MCTP2: variants seen among roughly 807,000 people sequenced by gnomAD.
MCTP2 encodes multiple C2 and transmembrane domain containing 2, also known as multiple C2 and transmembrane domain-containing protein 2.
Under a neutral mutation model 111.6 loss-of-function variants are expected in MCTP2, and 132 were observed. That is an observed-to-expected ratio of 1.18 (90% CI 1.03 to 1.37). The LOEUF is 1.37. Ranked by LOEUF, MCTP2 falls within the 40% of genes most tolerant of loss-of-function variation. MCTP2 has a pLI of 0.00. For missense variants in MCTP2, 1,183 were observed against 1,067.9 expected (o/e 1.11, Z -1.50); for synonymous variants, 395 against 387.7 (o/e 1.02, Z -0.22).
At chr15:94,306,571 T>G (rs1291952246) in intron 2 of MCTP2, among the ~76,000 whole-genome samples, 1 of 152,218 alleles carries the variant, frequency 6.6e-6, no homozygotes, top group Non-Finnish European at 1.5e-5. Flanking sequence ...GGAAGACATT[T>G]ATTTTTCTGT....
At chr15:94,334,162 T>C (rs187299637) in intron 4 of MCTP2, among the ~76,000 whole-genome samples, 1 of 152,340 alleles carries the variant, frequency 6.6e-6, no homozygotes, top group Admixed American at 6.5e-5. Context: ...GACCGAAGCC[T>C]GCTATCATTG....
intron 1 of MCTP2, among the ~76,000 whole-genome samples, chr15:94,242,989 GTA>G (rs1459322175): frequency 2.1e-5 from 2 of 95,318 alleles, no homozygotes; most frequent in Non-Finnish European, 2.3e-5. Context: ...ACATACACGT[GTA>G]TATGTGTATC....
At chr15:94,346,022 G>T (rs2152411564) in intron 8 of MCTP2, among the ~76,000 whole-genome samples, 1 of 152,104 alleles carries the variant, frequency 6.6e-6, no homozygotes, top group Admixed American at 6.5e-5. Flanking sequence ...CGCCAGCTCT[G>T]ATTTCTAATG....
intron 17 of MCTP2, among the ~76,000 whole-genome samples, chr15:94,430,105 T>C (rs1198869067): frequency 1.3e-5 from 2 of 152,230 alleles, no homozygotes; most frequent in Non-Finnish European, 2.9e-5. Context: ...AATAGCTTTG[T>C]AGATGAAATA....
At chr15:94,290,585 A>C (rs919284641) in intron 1 of MCTP2, among the ~76,000 whole-genome samples, 4 of 149,790 alleles carry the variant, frequency 2.7e-5, no homozygotes, top group African/African-American at 1.0e-4. Context: ...AATGGTCTAA[A>C]CAAACCAACT....
chr15:94,479,218 G>A lies in MCTP2; in HGVS notation c.*184G>A. On this transcript the variant is annotated 3_prime_UTR_variant, in exon 23 of 23. Coordinates refer to ENST00000357742, the MANE Select transcript of MCTP2 (RefSeq NM_001385001.1). The stretch of plus-strand genomic sequence containing the variant: ...ACATGTGCACACACCCTCATGCATG[G>A]GTGTCCTAGTTGCGTAGAGGGTCAG... 1.6e-6 allele frequency: 1 copy of A among 624,162 alleles called. No individual in the cohort carries two copies. The highest frequency in any genetic ancestry group is 1.9e-5 in the South Asian group (1 of 52,454). 38.7% of individuals were successfully genotyped at this position (624,162 alleles called of 1,614,324 possible).
chr15:94,344,209 C>T (rs1421616364), intron 7 of MCTP2, among the ~76,000 whole-genome samples: 1 of 152,158 alleles, frequency 6.6e-6, no homozygotes, highest in Non-Finnish European at 1.5e-5. Context: ...ACCAACATTT[C>T]TAGTTGCTGG....
rs2079407608 is a variant in MCTP2, at chr15:94,370,141, G to GT, written c.1547dup (p.Leu516PhefsTer16). ...AGACGTCGGCATTCTACAAGTGAAG[G>GT]TTTTAAAGGCAGCAGATCTCTTAGC... On this transcript the variant is annotated frameshift_variant, in exon 12 of 23. Coordinates refer to ENST00000357742, the MANE Select transcript of MCTP2 (RefSeq NM_001385001.1). LOFTEE classifies it high-confidence loss of function. 1.9e-6 allele frequency: 3 copies of GT among 1,613,460 alleles called. No individual in the cohort carries two copies. In the East Asian group the frequency reaches 6.7e-5, roughly 36 times the overall value.
At chr15:94,277,111 C>A (rs1407549060) in intron 1 of MCTP2, among the ~76,000 whole-genome samples, 1 of 152,026 alleles carries the variant, frequency 6.6e-6, no homozygotes, top group Admixed American at 6.6e-5. Context: ...GAATTAGAAT[C>A]CACATATAAA....
intron 4 of MCTP2, among the ~76,000 whole-genome samples, chr15:94,328,345 G>C (rs1030720998): frequency 1.3e-5 from 2 of 151,872 alleles, no homozygotes; most frequent in Non-Finnish European, 1.5e-5. Context: ...AGCCAGGATG[G>C]TCTTGATCTC....
intron 1 of MCTP2, among the ~76,000 whole-genome samples, chr15:94,273,069 AACTCTCTAGTAGGG>A (rs1220334975): frequency 2.0e-5 from 3 of 152,170 alleles, no homozygotes; most frequent in Non-Finnish European, 4.4e-5. Context: ...ATTACCCTAG[AACTCTCTAGTAGGG>A]CTGGACTCAA....
intron 1 of MCTP2, among the ~76,000 whole-genome samples, chr15:94,241,885 T>C (rs1017024390): frequency 1.3e-5 from 2 of 152,188 alleles, no homozygotes; most frequent in South Asian, 2.1e-4. Context: ...GACCTCAGAA[T>C]ATTAAAGAGA....
At chr15:94,363,570 T>C (rs937696759) in intron 10 of MCTP2, among the ~76,000 whole-genome samples, 16 of 152,242 alleles carry the variant, frequency 1.1e-4, no homozygotes, top group Admixed American at 2.0e-4. Context: ...TGGTGTCACA[T>C]GATAAGGCTA....
At chr15:94,422,044 C>CATT (rs1326914634) in intron 17 of MCTP2, among the ~76,000 whole-genome samples, 1 of 152,130 alleles carries the variant, frequency 6.6e-6, no homozygotes, top group Non-Finnish European at 1.5e-5. Context: ...ACATTTTAAA[C>CATT]TGAGAGTGGC....
chr15:94,459,764 G>C (rs1186487243), intron 20 of MCTP2, among the ~76,000 whole-genome samples: 2 of 152,058 alleles, frequency 1.3e-5, no homozygotes, highest in Non-Finnish European at 2.9e-5. Context: ...ACACTGACTT[G>C]GTCTAAGTTG....
intron 2 of MCTP2, among the ~76,000 whole-genome samples, chr15:94,304,157 C>G (rs868470010): frequency 6.6e-6 from 1 of 152,176 alleles, no homozygotes; most frequent in South Asian, 2.1e-4. Flanking sequence ...TTTGAAGACT[C>G]TAGGCCAGAT....
At chr15:94,469,715 C>G (rs1254519185) in intron 20 of MCTP2, among the ~76,000 whole-genome samples, 2 of 151,870 alleles carry the variant, frequency 1.3e-5, no homozygotes, top group Admixed American at 1.3e-4. Context: ...CAAAAATTTT[C>G]AAAATTAGAA....
At chr15:94,345,250 C>G in intron 8 of MCTP2, 86 bp downstream of exon 8, 1 of 1,260,732 alleles carries the variant, frequency 7.9e-7, no homozygotes, top group Non-Finnish European at 1.1e-6. Flanking sequence ...ATAGATATTA[C>G]CCAATCTTTA....
chr15:94,402,302 T>G, intron 17 of MCTP2: 1 of 985,430 alleles, frequency 1.0e-6, no homozygotes, highest in Non-Finnish European at 1.2e-6. Flanking sequence ...TTTTTTTCTT[T>G]CTGTGCCAGT....
Sources: gnomAD v4.1 joint callset for allele counts (sites outside exome capture counted in the v4.1 genomes callset) on GRCh38, gnomAD v4.1.1 for gene constraint, MANE v1.5 for transcripts, NCBI Gene and HGNC (gene_info 2026-07-23, HGNC 2026-07-21) for gene names.